Variants in DUSP11 observed in about 807,000 individuals in gnomAD.
DUSP11 encodes the protein RNA/RNP complex-1-interacting phosphatase.
DUSP11 carries 27 observed loss-of-function variants against 41.4 expected under a neutral mutation model. The observed-to-expected ratio is 0.65, with a 90% CI of 0.48 to 0.90. DUSP11 has a LOEUF of 0.90. DUSP11 is among the 40% of genes least tolerant of loss of function. The pLI, the probability that DUSP11 is intolerant of heterozygous loss-of-function variation, is 0.00. For synonymous variants in DUSP11, 188 were observed against 159.3 expected (o/e 1.18, Z -1.35); for missense variants, 465 against 461.1 (o/e 1.01, Z -0.08).
chr2:73,769,078 A>T lies in DUSP11; in HGVS notation c.635+187T>A. 7.5e-6 allele frequency: 4 copies of T among 535,176 alleles called. No individual in the cohort carries two copies. In the South Asian group the frequency reaches 1.2e-4, roughly 16 times the overall value. 33.2% of individuals were successfully genotyped at this position (535,176 alleles called of 1,614,324 possible). A position where few individuals can be genotyped will look rare whatever the true frequency, so the allele number is the denominator to read the frequency against. On this transcript the variant is annotated intron_variant, in intron 5 of 8. Coordinates refer to ENST00000272444, the Ensembl canonical transcript of DUSP11. ...ACCATTCAATAACATGTATGCTTGTATCTGCATTTTTAGAGTCTGAAAAGA... is the reference window on the plus strand; with the variant it reads ...ACCATTCAATAACATGTATGCTTGTTTCTGCATTTTTAGAGTCTGAAAAGA...
At chr2:73,762,491 T>C (rs1438850808) in exon 9 of DUSP11, 1 of 423,032 alleles carries the variant, frequency 2.4e-6, no homozygotes, top group Non-Finnish European at 4.2e-6. Flanking sequence ...AATGCTGTAA[T>C]TACTGCAAAT....
chr2:73,773,922 T>A (rs1185284715), exon 4 of DUSP11: 1 of 1,590,456 alleles, frequency 6.3e-7, no homozygotes, highest in African/African-American at 1.3e-5. Context: ...TTCTGGCAAA[T>A]CCTATAAAGC....
exon 1 of DUSP11, chr2:73,780,071 T>C (rs1175842849): frequency 1.3e-6 from 2 of 1,598,588 alleles, no homozygotes; most frequent in Non-Finnish European, 1.7e-6. Context: ...AGGAAAAGAC[T>C]CGGCAGCCAC....
chr2:73,775,580 G>A (rs1672664580), intron 2 of DUSP11, among the ~76,000 whole-genome samples: 1 of 149,378 alleles, frequency 6.7e-6, no homozygotes, highest in Non-Finnish European at 1.5e-5. Flanking sequence ...GGTCAGCTGG[G>A]CGCAGTGGTT....
At chr2:73,774,929 C>G in exon 3 of DUSP11, 2 of 1,594,194 alleles carry the variant, frequency 1.3e-6, no homozygotes. Flanking sequence ...TTTATAATAG[C>G]GTTGAGTATA....
At position 73,774,221 on chromosome 2, in the gene DUSP11, A is replaced by G. The variant is rs116408810; in HGVS notation, c.451-298T>C. Among the ~76,000 whole-genome samples, 1,201 of 152,302 alleles carry G rather than the reference A, an allele frequency of 7.9e-3. 15 individuals are homozygous for G. The highest frequency in any genetic ancestry group is 0.027 in the African/African-American group (1,125 of 41,582). On this transcript the variant is annotated intron_variant, in intron 3 of 8. Coordinates refer to ENST00000272444, the Ensembl canonical transcript of DUSP11. ...AATTATATAAACAGTTCCATTTAATATTTTATAATTCAAGGGCCAGTGCCT... is the reference window on the plus strand; with the variant it reads ...AATTATATAAACAGTTCCATTTAATGTTTTATAATTCAAGGGCCAGTGCCT...
intron 7 of DUSP11, 50 bp from the exon 8 acceptor site, chr2:73,766,644 G>A (rs373776486): frequency 3.1e-5 from 47 of 1,537,888 alleles, no homozygotes; most frequent in Non-Finnish European, 4.1e-5. Flanking sequence ...AAATTTAGTA[G>A]TCAATTTAGT....
chr2:73,772,433 ACAGT>A lies in DUSP11; in HGVS notation c.574+1363_574+1366del, dbSNP rs1672601020. Among the ~76,000 whole-genome samples, 20 of 152,336 alleles carry A rather than the reference ACAGT, an allele frequency of 1.3e-4. No homozygotes were observed. In the South Asian group the frequency reaches 4.1e-3, roughly 32 times the overall value. ...TGGCAGTGAGTACTGCAAGACTTAG[ACAGT>A]CAGCACCACTCAGGCAGAAGACCAA... On this transcript the variant is annotated intron_variant, in intron 4 of 8. Transcript: ENST00000272444.
intron 8 of DUSP11, among the ~76,000 whole-genome samples, chr2:73,764,672 C>T (rs1300095693): frequency 6.6e-6 from 1 of 152,172 alleles, no homozygotes; most frequent in Non-Finnish European, 1.5e-5. Flanking sequence ...TTATCAAAAA[C>T]TGTTGCTAAA....
intron 5 of DUSP11, chr2:73,768,459 G>A: frequency 5.1e-6 from 5 of 985,222 alleles, no homozygotes; most frequent in Non-Finnish European, 6.0e-6. Context: ...ACTCAGTACA[G>A]TGTGGCAACA....
chr2:73,767,458 A>G, intron 5 of DUSP11: 1 of 336,346 alleles, frequency 3.0e-6, no homozygotes. Flanking sequence ...TTTAATAAAC[A>G]AAAGGAAAGA....
chr2:73,767,303 T>C lies in DUSP11; in HGVS notation c.636-96A>G, dbSNP rs573739709. The C allele has an allele frequency of 3.2e-5, 28 of 884,254 alleles. No individual in the cohort carries two copies. In the African/African-American group the frequency reaches 3.9e-4, roughly 12 times the overall value. 54.8% of individuals were successfully genotyped at this position (884,254 alleles called of 1,614,324 possible). A position where few individuals can be genotyped will look rare whatever the true frequency, so the allele number is the denominator to read the frequency against. ...CAATTTCAACTTATAGACATAGATATAAAAATCCTAAGAAAATATCAGCAC... is the reference window on the plus strand; with the variant it reads ...CAATTTCAACTTATAGACATAGATACAAAAATCCTAAGAAAATATCAGCAC... On this transcript the variant is annotated intron_variant, in intron 5 of 8. Transcript: ENST00000272444.
intron 3 of DUSP11, 142 bp from the exon 4 acceptor site, chr2:73,774,065 G>A (rs1573183167): frequency 9.7e-6 from 6 of 619,868 alleles, no homozygotes; most frequent in East Asian, 9.5e-5. Context: ...TCTGATAAAA[G>A]AGCCATTTTT....
chr2:73,771,470 C>A (rs986021385), intron 4 of DUSP11, among the ~76,000 whole-genome samples: 2 of 151,754 alleles, frequency 1.3e-5, no homozygotes, highest in African/African-American at 2.4e-5. Flanking sequence ...TTAATTTATT[C>A]TTTTATTATG....
At chr2:73,774,800 T>C in intron 3 of DUSP11, 113 bp downstream of exon 3, 1 of 804,648 alleles carries the variant, frequency 1.2e-6, no homozygotes. Context: ...TTAAACTTAC[T>C]ACCCATCAAA....
chr2:73,773,022 T>A (rs1399216620), intron 4 of DUSP11, among the ~76,000 whole-genome samples: 1 of 152,242 alleles, frequency 6.6e-6, no homozygotes, highest in African/African-American at 2.4e-5. Context: ...TTTCCAAAGA[T>A]AAAAGCTTCT....
intron 7 of DUSP11, 58 bp from the exon 8 acceptor site, chr2:73,766,652 AGTGACTATATTTTG>A (rs1465549653): frequency 1.2e-5 from 19 of 1,528,472 alleles, no homozygotes; most frequent in Non-Finnish European, 1.7e-5. Context: ...TAGTCAATTT[AGTGACTATATTTTG>A]GCATATGAAA....
intron 8 of DUSP11, among the ~76,000 whole-genome samples, chr2:73,763,697 C>T (rs9309476): frequency 0.6 from 91,599 of 151,746 alleles, 28,300 homozygotes; most frequent in East Asian, 0.7. Flanking sequence ...CACTCCAGCC[C>T]GGGCAACAAG....
exon 9 of DUSP11, chr2:73,762,802 G>C: frequency 6.2e-7 from 1 of 1,611,694 alleles, no homozygotes; most frequent in Non-Finnish European, 8.5e-7. Context: ...CCTCTCCAGG[G>C]GGACCAGGAG....
Sources: allele counts gnomAD v4.1 joint callset (sites outside exome capture counted in the v4.1 genomes callset), GRCh38; gene constraint gnomAD v4.1.1; transcripts MANE v1.5; gene names NCBI Gene and HGNC (gene_info 2026-07-23, HGNC 2026-07-21).